Variants in PCDH19 observed in about 807,000 individuals in gnomAD.
PCDH19 encodes protocadherin 19, also known as protocadherin-19.
A neutral mutation model predicts 46.2 loss-of-function variants in PCDH19; 6 were observed. The observed-to-expected ratio is 0.13, with a 90% CI of 0.07 to 0.26. PCDH19 has a LOEUF of 0.26. PCDH19 is among the 10% of genes least tolerant of loss of function. PCDH19 has a pLI of 1.00. For missense variants in PCDH19, 740 were observed against 972.3 expected, an observed-to-expected ratio of 0.76 and a Z score of 3.18; for synonymous variants, 481 against 415.7, an observed-to-expected ratio of 1.16 and a Z score of -1.91.
At chrX:100,301,089 C>A (rs1924765692) in intron 5 of PCDH19, among the ~76,000 whole-genome samples, 1 of 111,500 alleles carries the variant, frequency 9.0e-6, no homozygotes, top group East Asian at 2.8e-4. Context: ...TTACTACTCT[C>A]CTCAGGACAT....
chrX:100,311,423 C>A (rs1030801968), intron 5 of PCDH19, among the ~76,000 whole-genome samples: 8 of 111,473 alleles, frequency 7.2e-5, no homozygotes, highest in Non-Finnish European at 1.3e-4. Context: ...GGGCACCCAG[C>A]AGCTGGTGTT....
At position 100,406,713 on chromosome X, in the gene PCDH19, T is replaced by C; in HGVS notation, c.1885A>G (p.Thr629Ala). ...QVNGEVRTTR[T>A]FGESSKSSYE... is the part of the protein sequence containing the mutation. The stretch of plus-strand genomic sequence containing the variant: ...GAGGACTTGGAGCTCTCCCCGAAGG[T>C]GCGGGTGGTTCTGACTTCGCCATTG... The change falls in exon 1 of 6, where the codon ACC becomes GCC. Residue 629 changes from threonine to alanine, a missense_variant. Around this residue, in one of 5 missense-constraint regions of PCDH19, gnomAD observed 416 missense variants for 476.8 expected, o/e 0.87. Transcript: ENST00000373034. The C allele has an allele frequency of 8.3e-7, 1 of 1,211,390 alleles. No homozygotes were observed. The highest frequency in any genetic ancestry group is 1.1e-6 in the Non-Finnish European group (1 of 895,421).
Position 100,402,627 on chromosome X carries a change from T to C in PCDH19, c.2513A>G (p.Gln838Arg), listed in dbSNP as rs367680745. 1.7e-6 allele frequency: 2 copies of C among 1,211,450 alleles called. No homozygotes were observed. The highest frequency in any genetic ancestry group is 2.2e-6 in the Non-Finnish European group (2 of 895,213). Residue 838 changes from glutamine to arginine, a missense_variant, in exon 3 of 6, where the codon CAG becomes CGG. Transcript: ENST00000373034. ...GTTAGCACTGGTGTTGCGGGTATTC[T>C]GGTTCTCCACATTCAGGAAAGTGCT... ...SESTFLNVENQNTRNTSANHI... is the reference protein window; with the variant it reads ...SESTFLNVENRNTRNTSANHI...
In PCDH19 at chrX:100,396,779, G is replaced by A. The variant is rs961706867; in HGVS notation, c.2616+5745C>T. 6.3e-5 allele frequency among the ~76,000 whole-genome samples: 7 copies of A among 111,903 alleles called. No homozygotes were observed. In the Admixed American group the frequency reaches 6.6e-4, roughly 11 times the overall value. On this transcript the variant is annotated intron_variant, in intron 3 of 5. Transcript: ENST00000373034. ...GCTGTCTCAGCTAGAGGTGAAACAT[G>A]CCAATAAGATACAATGTAGGCAATG...
Position 100,291,803 on chromosome X carries a change from T to C in PCDH19, c.*4474A>G, listed in dbSNP as rs1160456852. On this transcript the variant is annotated 3_prime_UTR_variant, in exon 6 of 6. Transcript: ENST00000373034. Reference sequence around the variant, plus strand: ...CTGTAATAATTTAATAAAGCTGCTTTATCATCTTCATAAAATAGACAGTGG... The same window carrying C: ...CTGTAATAATTTAATAAAGCTGCTTCATCATCTTCATAAAATAGACAGTGG... 3 of 113,434 alleles carry C rather than the reference T, an allele frequency of 2.6e-5. No individual in the cohort carries two copies. The highest frequency in any genetic ancestry group is 9.3e-5 in the Admixed American group (1 of 10,757). 9.3% of individuals were successfully genotyped at this position (113,434 alleles called of 1,213,427 possible).
intron 5 of PCDH19, among the ~76,000 whole-genome samples, chrX:100,303,551 T>G (rs915513283): frequency 8.1e-5 from 9 of 110,689 alleles, no homozygotes; most frequent in South Asian, 3.9e-4. Context: ...AAAGTAAAAT[T>G]TTAGCAAAAA....
intron 5 of PCDH19, among the ~76,000 whole-genome samples, chrX:100,339,127 A>C (rs1206914600): frequency 4.5e-5 from 5 of 111,814 alleles, no homozygotes; most frequent in African/African-American, 1.6e-4. Flanking sequence ...GGACTAAAAG[A>C]AATACCAGGA....
intron 3 of PCDH19, among the ~76,000 whole-genome samples, chrX:100,388,759 A>G (rs1326601858): frequency 9.1e-6 from 1 of 110,389 alleles, no homozygotes; most frequent in Non-Finnish European, 1.9e-5. Flanking sequence ...TGCTTATTTG[A>G]TAAGTACAAA....
At chrX:100,359,020 A>C (rs1433763269) in intron 3 of PCDH19, among the ~76,000 whole-genome samples, 1 of 111,881 alleles carries the variant, frequency 8.9e-6, no homozygotes, top group East Asian at 2.8e-4. Flanking sequence ...TTCATCCCCA[A>C]ATATCAAAGC....
At chrX:100,393,560 C>T (rs1043987852) in intron 3 of PCDH19, among the ~76,000 whole-genome samples, 4 of 107,218 alleles carry the variant, frequency 3.7e-5, no homozygotes, top group African/African-American at 1.3e-4. Context: ...AGGGATCTGG[C>T]CTTTGGATTG....
intron 3 of PCDH19, among the ~76,000 whole-genome samples, chrX:100,363,902 GGAGA>G (rs1430394688): frequency 1.3e-5 from 1 of 75,315 alleles, no homozygotes; most frequent in Non-Finnish European, 2.6e-5. Context: ...AGAGGGAGAG[GGAGA>G]GAGAAAGAGA....
chrX:100,396,819 G>C (rs1928038037), intron 3 of PCDH19, among the ~76,000 whole-genome samples: 1 of 111,608 alleles, frequency 9.0e-6, no homozygotes, highest in Non-Finnish European at 1.9e-5. Context: ...GCCCTAGAAT[G>C]ACTGCTGGTA....
chrX:100,313,778 A>G (rs1395248412), intron 5 of PCDH19, among the ~76,000 whole-genome samples: 1 of 109,398 alleles, frequency 9.1e-6, no homozygotes, highest in Non-Finnish European at 1.9e-5. Flanking sequence ...AAAGGGTTGG[A>G]AAGGACAAGA....
At chrX:100,384,880 C>T (rs905017606) in intron 3 of PCDH19, among the ~76,000 whole-genome samples, 2 of 111,390 alleles carry the variant, frequency 1.8e-5, no homozygotes, top group African/African-American at 6.5e-5. Flanking sequence ...ACTCCCAGGC[C>T]GGGCCCGGTG....
chrX:100,359,956 C>T (rs925962222), intron 3 of PCDH19, among the ~76,000 whole-genome samples: 1 of 110,655 alleles, frequency 9.0e-6, no homozygotes, highest in Admixed American at 9.7e-5. Flanking sequence ...CTGGTCCATT[C>T]CTTTCTGCTA....
intron 5 of PCDH19, among the ~76,000 whole-genome samples, chrX:100,341,610 T>C (rs1367136348): frequency 8.9e-6 from 1 of 111,900 alleles, no homozygotes; most frequent in Non-Finnish European, 1.9e-5. Flanking sequence ...AGGCATCTGT[T>C]CATCTCCTAT....
rs1953337 is a variant in PCDH19 at position 100,406,971 on chromosome X, G to A, written c.1627C>T (p.Leu543=). 308,398 of 1,209,634 alleles carry A rather than the reference G, an allele frequency of 0.25. 30,302 individuals are homozygous for A. Among genetic ancestry groups the A allele is most frequent in the Non-Finnish European group, 0.29 (263,988 of 895,017 alleles). ...ACCCGCACCGTAGCGTTGCTTTGCA[G>A]TGAGGGAAGGCCGCCGTCCTTGGCC... The part of the protein sequence containing the change: ...VLAKDGGLPS[L]QSNATVRVII... Residue 543 remains leucine, a synonymous_variant, in exon 1 of 6, where the codon CTG becomes TTG. Coordinates refer to ENST00000373034, the MANE Select transcript of PCDH19 (RefSeq NM_001184880.2).
Position 100,407,719 on chromosome X carries a change from C to T in PCDH19, c.879G>A (p.Pro293=). Residue 293 remains proline (P), a synonymous_variant, in exon 1 of 6, where the codon CCG becomes CCA. Coordinates refer to ENST00000373034, the MANE Select transcript of PCDH19 (RefSeq NM_001184880.2). ...DRTRELFQID[P]HSGLVTVTGA... ...CAGTGACAGTGACCAGGCCACTGTG[C>T]GGGTCGATCTGAAAGAGCTCGCGCG... 1 of 1,212,234 alleles carries T rather than the reference C, an allele frequency of 8.2e-7. No individual in the cohort carries two copies. Among genetic ancestry groups the T allele is most frequent in the East Asian group, 3.0e-5 (1 of 33,836 alleles).
chrX:100,379,313 A>G (rs1927474651), intron 3 of PCDH19, among the ~76,000 whole-genome samples: 1 of 4,229 alleles, frequency 2.4e-4, no homozygotes, highest in Non-Finnish European at 6.9e-3. Flanking sequence ...ATACACACAC[A>G]CACACACACA....
Sources: gnomAD v4.1 joint callset for allele counts (sites outside exome capture counted in the v4.1 genomes callset) on GRCh38, gnomAD v4.1.1 for gene constraint, gnomAD v4.1.1 regional missense constraint, MANE v1.5 for transcripts, NCBI Gene and HGNC (gene_info 2026-07-23, HGNC 2026-07-21) for gene names.